RASGEF1C: variants seen among roughly 807,000 people sequenced by gnomAD.
RASGEF1C encodes RasGEF domain family member 1C, also known as ras-GEF domain-containing family member 1C.
RASGEF1C carries 27 observed loss-of-function variants against 58.1 expected under a neutral mutation model. That is an observed-to-expected ratio of 0.46 (90% confidence interval 0.34 to 0.64). RASGEF1C has a LOEUF of 0.64. Ranked by LOEUF, RASGEF1C falls within the 30% of genes least tolerant of loss-of-function variation. The pLI is 0.01. For synonymous variants in RASGEF1C, 243 were observed against 246.3 expected, an observed-to-expected ratio of 0.99 and a Z score of 0.13; for missense variants, 502 against 605.1, an observed-to-expected ratio of 0.83 and a Z score of 1.79.
rs925203133 is a variant in RASGEF1C at position 180,156,271 on chromosome 5, C to T, written c.-6-18213G>A. Reference sequence around the variant, plus strand: ...AGAGGACGGCACTGCCCCTGCTGGACGGAGGCTCCAGGAGGTGAGCGGATC... The same window carrying T: ...AGAGGACGGCACTGCCCCTGCTGGATGGAGGCTCCAGGAGGTGAGCGGATC... On this transcript the variant is annotated intron_variant, in intron 1 of 13. Coordinates refer to ENST00000361132, the MANE Select transcript of RASGEF1C (RefSeq NM_175062.4). The surrounding 1 kb of genome is among the most constrained non-coding windows in gnomAD (Gnocchi z 4.9). Among the ~76,000 whole-genome samples the T allele has an allele frequency of 4.6e-5, 7 of 152,146 alleles. No individual in the cohort carries two copies. The highest frequency in any genetic ancestry group is 9.7e-5 in the African/African-American group (4 of 41,422).
intron 6 of RASGEF1C, among the ~76,000 whole-genome samples, chr5:180,123,137 T>C (rs1158943093): frequency 6.6e-6 from 1 of 152,074 alleles, no homozygotes; most frequent in Non-Finnish European, 1.5e-5. Context: ...GTAGGAGAAA[T>C]TGCATAATGA....
In RASGEF1C at chr5:180,155,917, C is replaced by T. The variant is rs978041588; in HGVS notation, c.-6-17859G>A. On this transcript the variant is annotated intron_variant, in intron 1 of 13. Transcript: ENST00000361132. The surrounding 1 kb of genome is among the most constrained non-coding windows in gnomAD (Gnocchi z 5.2). Reference sequence around the variant, plus strand: ...CTGGCCAAGAGGGCACTGTCCCCCCCTCACTGCTGAGCAAGCAAGTGACCA... The same window carrying T: ...CTGGCCAAGAGGGCACTGTCCCCCCTTCACTGCTGAGCAAGCAAGTGACCA... Among the ~76,000 whole-genome samples the T allele has an allele frequency of 2.6e-5, 4 of 152,174 alleles. No homozygotes were observed. Among genetic ancestry groups the T allele is most frequent in the South Asian group, 2.1e-4 (1 of 4,834 alleles).
At position 180,101,351 on chromosome 5, in the gene RASGEF1C, TGGGGGG is replaced by T; in HGVS notation, c.*144_*149del. ...GTCTCCTGTGCCCGTATGGCCACTGTGGGGGGGGGGGGGGCGGGCAGCAGGCCACAG... is the reference window on the plus strand; with the variant it reads ...GTCTCCTGTGCCCGTATGGCCACTGTGGGGGGGGCGGGCAGCAGGCCACAG... On this transcript the variant is annotated 3_prime_UTR_variant, in exon 14 of 14. Transcript: ENST00000361132. The T allele has an allele frequency of 2.8e-6, 2 of 706,240 alleles. No individual in the cohort carries two copies. Among genetic ancestry groups the T allele is most frequent in the Non-Finnish European group, 4.5e-6 (2 of 445,780 alleles). The allele number at this position is 706,240 out of a possible 1,614,324, so 43.7% of individuals were successfully genotyped here.
intron 1 of RASGEF1C, among the ~76,000 whole-genome samples, chr5:180,150,446 G>A (rs2113290436): frequency 6.6e-6 from 1 of 152,032 alleles, no homozygotes; most frequent in East Asian, 1.9e-4. Context: ...TATGCCTTGT[G>A]GTATTTATTT....
chr5:180,195,743 C>A (rs571643336), intron 1 of RASGEF1C, among the ~76,000 whole-genome samples: 2 of 150,184 alleles, frequency 1.3e-5, no homozygotes, highest in South Asian at 2.1e-4. Context: ...CCAGCCTGGG[C>A]GACAGAGCGA....
chr5:180,137,648 G>T lies in RASGEF1C; in HGVS notation c.242C>A (p.Ala81Asp). The T allele has an allele frequency of 6.2e-7, 1 of 1,612,738 alleles. No homozygotes were observed. Among genetic ancestry groups the T allele is most frequent in the Non-Finnish European group, 8.5e-7 (1 of 1,179,982 alleles). Residue 81 changes from alanine to aspartate, a missense_variant, in exon 3 of 14, where the codon GCC becomes GAC. Ala to Asp is a moderately radical substitution (Grantham distance 126). Transcript: ENST00000361132. The surrounding 1 kb of genome is among the most constrained non-coding windows in gnomAD (Gnocchi z 4.1). Reference sequence around the variant, plus strand: ...CTCGATGCACAGGTGGCAGACCCGGGCCAGGAGCTCCCGGGGCTCGATGAA... The same window carrying T: ...CTCGATGCACAGGTGGCAGACCCGGTCCAGGAGCTCCCGGGGCTCGATGAA... ...RLFIEPRELL[A>D]RVCHLCIEQQ...
intron 1 of RASGEF1C, among the ~76,000 whole-genome samples, chr5:180,201,626 C>T (rs558858823): frequency 1.3e-5 from 2 of 152,202 alleles, no homozygotes; most frequent in Admixed American, 6.5e-5. Context: ...AAAAACCACA[C>T]GCAACACCTC....
intron 1 of RASGEF1C, among the ~76,000 whole-genome samples, chr5:180,207,632 C>CTGTCCGTCTGTCCCT (rs75928125): frequency 6.6e-6 from 1 of 151,832 alleles, no homozygotes; most frequent in Non-Finnish European, 1.5e-5. Context: ...CCTCTCTCGC[C>CTGTCCGTCTGTCCCT]TGCCCTCCCT....
At chr5:180,117,661 A>G (rs114343131) in intron 10 of RASGEF1C, among the ~76,000 whole-genome samples, 1 of 152,154 alleles carries the variant, frequency 6.6e-6, no homozygotes, top group Non-Finnish European at 1.5e-5. Flanking sequence ...AATAAAATTG[A>G]TCAGGTCCGC....
At chr5:180,141,169 A>T (rs1766573918) in intron 1 of RASGEF1C, among the ~76,000 whole-genome samples, 1 of 152,214 alleles carries the variant, frequency 6.6e-6, no homozygotes, top group South Asian at 2.1e-4. Flanking sequence ...ACTCCCCCGC[A>T]CTGGGCTTTC....
chr5:180,207,515 T>A (rs1756509406), intron 1 of RASGEF1C, among the ~76,000 whole-genome samples: 1 of 151,458 alleles, frequency 6.6e-6, no homozygotes, highest in African/African-American at 2.4e-5. Flanking sequence ...GGCAGGAGGG[T>A]GCAGACCCCG....
chr5:180,152,563 T>G (rs1250090777), intron 1 of RASGEF1C, among the ~76,000 whole-genome samples: 1 of 54,804 alleles, frequency 1.8e-5, no homozygotes, highest in Non-Finnish European at 3.2e-5. Context: ...GGGCCTGTTG[T>G]GGGGTGGGGG....
chr5:180,108,063 C>G (rs1048149779), intron 12 of RASGEF1C, among the ~76,000 whole-genome samples: 1 of 152,124 alleles, frequency 6.6e-6, no homozygotes, highest in Non-Finnish European at 1.5e-5. Flanking sequence ...TGGGAACTTT[C>G]TAGCCATTAT....
chr5:180,187,304 C>G (rs938643544), intron 1 of RASGEF1C, among the ~76,000 whole-genome samples: 2 of 152,136 alleles, frequency 1.3e-5, no homozygotes, highest in Non-Finnish European at 2.9e-5. Flanking sequence ...CGAGCTAAAA[C>G]TATAAAACTC....
At position 180,137,474 on chromosome 5, in the gene RASGEF1C, C is replaced by T. The variant is rs1766501689; in HGVS notation, c.300+116G>A. On this transcript the variant is annotated intron_variant, in intron 3 of 13. Transcript: ENST00000361132. The surrounding 1 kb of genome is among the most constrained non-coding windows in gnomAD (Gnocchi z 4.1). The stretch of plus-strand genomic sequence containing the variant: ...CAGACAAGGTGGAAACACCCGGTAG[C>T]CACCTTGTCAGGAAAACGGGGACAA... The T allele has an allele frequency of 7.0e-7, 1 of 1,422,348 alleles. No individual in the cohort carries two copies. The highest frequency in any genetic ancestry group is 2.0e-5 in the Admixed American group (1 of 50,324). The allele number at this position is 1,422,348 out of a possible 1,614,324, so 88.1% of individuals were successfully genotyped here.
intron 4 of RASGEF1C, among the ~76,000 whole-genome samples, chr5:180,130,221 G>A (rs1766342747): frequency 6.6e-6 from 1 of 152,234 alleles, no homozygotes; most frequent in Admixed American, 6.5e-5. Flanking sequence ...ACTGTTGGGA[G>A]CAGAGGCCAG....
At chr5:180,142,047 T>A (rs1766588486) in intron 1 of RASGEF1C, among the ~76,000 whole-genome samples, 1 of 152,194 alleles carries the variant, frequency 6.6e-6, no homozygotes, top group Admixed American at 6.5e-5. Context: ...ATCTGTGTTT[T>A]GTGCACGTGG....
At chr5:180,200,267 G>T (rs1263068769) in intron 1 of RASGEF1C, among the ~76,000 whole-genome samples, 1 of 145,560 alleles carries the variant, frequency 6.9e-6, no homozygotes, top group Non-Finnish European at 1.5e-5. Flanking sequence ...AAAAAAAATT[G>T]ATGGATTTAT....
intron 11 of RASGEF1C, among the ~76,000 whole-genome samples, chr5:180,112,718 C>T (rs570793707): frequency 6.6e-6 from 1 of 152,366 alleles, no homozygotes; most frequent in South Asian, 2.1e-4. Flanking sequence ...GTCTGCCTAG[C>T]TCACAGCTAC....
Sources: allele counts gnomAD v4.1 joint callset (sites outside exome capture counted in the v4.1 genomes callset), GRCh38; gene constraint gnomAD v4.1.1; non-coding constraint Gnocchi (gnomAD v3.1); transcripts MANE v1.5; gene names NCBI Gene and HGNC (gene_info 2026-07-23, HGNC 2026-07-21).